Variants in RGS22 observed in about 807,000 individuals in gnomAD.
The protein encoded by RGS22 is regulator of G protein signaling 22.
RGS22 carries 148 observed loss-of-function variants against 172.9 expected under a neutral mutation model. That is an observed-to-expected ratio of 0.86 (90% CI 0.75 to 0.98). The LOEUF is 0.98. Ranked by LOEUF, RGS22 falls within the 50% of genes least tolerant of loss-of-function variation. The pLI is 0.00. For synonymous variants in RGS22, 458 were observed against 480.2 expected, an observed-to-expected ratio of 0.95 and a Z score of 0.60; for missense variants, 1,347 against 1,440.8, an observed-to-expected ratio of 0.93 and a Z score of 1.05.
chr8:99,980,674 T>C (rs943956924), intron 22 of RGS22, among the ~76,000 whole-genome samples: 1 of 152,200 alleles, frequency 6.6e-6, no homozygotes, highest in African/African-American at 2.4e-5. Flanking sequence ...GACTCCCTTT[T>C]AGAAAATCAG....
chr8:99,968,859 A>C lies in RGS22; in HGVS notation c.3520-3429T>G, dbSNP rs945131656. 3.9e-5 allele frequency among the ~76,000 whole-genome samples: 6 copies of C among 152,176 alleles called. No individual in the cohort carries two copies. In the East Asian group the frequency reaches 1.2e-3, roughly 29 times the overall value. ...AACCTAGCAAGATAGGCCAACATTC[A>C]AGTTCAGGAAATACAGAGAATGCCA... On this transcript the variant is annotated intron_variant, in intron 23 of 27. Coordinates refer to ENST00000360863, the MANE Select transcript of RGS22 (RefSeq NM_015668.5).
chr8:99,973,089 T>C (rs1475233190), intron 23 of RGS22, among the ~76,000 whole-genome samples: 1 of 152,058 alleles, frequency 6.6e-6, no homozygotes, highest in Non-Finnish European at 1.5e-5. Context: ...GTTCAACCAT[T>C]GTGGAAGACA....
chr8:100,065,200 G>T (rs1810453568), intron 7 of RGS22, among the ~76,000 whole-genome samples: 1 of 152,072 alleles, frequency 6.6e-6, no homozygotes, highest in Non-Finnish European at 1.5e-5. Flanking sequence ...CCCCAATATT[G>T]AGAGATTAGA....
chr8:100,050,567 T>C (rs1455977592), intron 10 of RGS22, among the ~76,000 whole-genome samples: 1 of 152,186 alleles, frequency 6.6e-6, no homozygotes, highest in Non-Finnish European at 1.5e-5. Context: ...TTCCAAGAGG[T>C]TGTATGTGAC....
At chr8:100,099,202 T>C (rs963350642) in intron 2 of RGS22, among the ~76,000 whole-genome samples, 4 of 152,044 alleles carry the variant, frequency 2.6e-5, no homozygotes, top group Admixed American at 2.6e-4. Context: ...GTGTGAGCCA[T>C]TGCGCCTGGC....
At chr8:100,081,173 T>G (rs1012027437) in intron 3 of RGS22, among the ~76,000 whole-genome samples, 1 of 152,148 alleles carries the variant, frequency 6.6e-6, no homozygotes, top group Admixed American at 6.6e-5. Flanking sequence ...GTAGATTAAC[T>G]TATACATGCT....
rs1418442322 is a variant in RGS22, at chr8:99,987,332, T to C, written c.3180+126A>G. The C allele has an allele frequency of 8.4e-6, 5 of 596,108 alleles. No individual in the cohort carries two copies. In the East Asian group the frequency reaches 1.2e-4, roughly 14 times the overall value. 36.9% of individuals were successfully genotyped at this position (596,108 alleles called of 1,614,324 possible). A position where few individuals can be genotyped will look rare whatever the true frequency, so the allele number is the denominator to read the frequency against. On this transcript the variant is annotated intron_variant, in intron 21 of 27. Coordinates refer to ENST00000360863, the MANE Select transcript of RGS22 (RefSeq NM_015668.5). ...AAACATCTCAATATTTATATACTGG[T>C]AGGAAGAAGATAGCAAAATTGGGAT...
At chr8:100,042,378 C>A (rs1033634912) in intron 11 of RGS22, among the ~76,000 whole-genome samples, 1 of 152,010 alleles carries the variant, frequency 6.6e-6, no homozygotes, top group African/African-American at 2.4e-5. Context: ...AGGCAGCAAA[C>A]ATAATTTGCT....
chr8:100,055,635 T>C (rs1182135649), intron 9 of RGS22, among the ~76,000 whole-genome samples: 3 of 152,206 alleles, frequency 2.0e-5, no homozygotes, highest in South Asian at 2.1e-4. Flanking sequence ...AGGGATCCGA[T>C]GGGAGGTAAC....
At chr8:100,014,575 C>A (rs997851974) in intron 14 of RGS22, among the ~76,000 whole-genome samples, 1 of 152,180 alleles carries the variant, frequency 6.6e-6, no homozygotes, top group Non-Finnish European at 1.5e-5. Flanking sequence ...ATTATCTCCT[C>A]TCTCCTTGAC....
intron 7 of RGS22, among the ~76,000 whole-genome samples, chr8:100,064,403 C>T (rs1436212736): frequency 6.6e-6 from 1 of 151,828 alleles, no homozygotes; most frequent in Non-Finnish European, 1.5e-5. Flanking sequence ...ATAGAGGTTG[C>T]AGTGAGCTGG....
chr8:99,991,786 C>T (rs545614851), intron 20 of RGS22, among the ~76,000 whole-genome samples: 4 of 152,210 alleles, frequency 2.6e-5, no homozygotes, highest in South Asian at 2.1e-4. Context: ...AGATACTCCT[C>T]GAGAAGAGCA....
At chr8:99,992,607 A>G (rs539577802) in intron 20 of RGS22, among the ~76,000 whole-genome samples, 1 of 152,318 alleles carries the variant, frequency 6.6e-6, no homozygotes, top group South Asian at 2.1e-4. Context: ...GAGCACCCAG[A>G]TTCATAAAGC....
At chr8:100,099,613 A>C (rs1813302148) in intron 2 of RGS22, among the ~76,000 whole-genome samples, 1 of 152,222 alleles carries the variant, frequency 6.6e-6, no homozygotes, top group South Asian at 2.1e-4. Flanking sequence ...AAAGTTGCTT[A>C]ATGATATACT....
intron 14 of RGS22, among the ~76,000 whole-genome samples, chr8:100,034,431 G>A (rs1819210899): frequency 1.3e-5 from 2 of 152,080 alleles, no homozygotes; most frequent in Admixed American, 6.5e-5. Context: ...CCTCTTCAAG[G>A]AGAACTATAA....
chr8:100,020,978 T>C (rs1328068370), intron 14 of RGS22, among the ~76,000 whole-genome samples: 1 of 152,148 alleles, frequency 6.6e-6, no homozygotes, highest in African/African-American at 2.4e-5. Context: ...ATGGTGAGAG[T>C]ATACCCAGAG....
chr8:100,037,327 G>C (rs1819613248), intron 14 of RGS22, among the ~76,000 whole-genome samples: 1 of 152,010 alleles, frequency 6.6e-6, no homozygotes, highest in Non-Finnish European at 1.5e-5. Flanking sequence ...GTAAGACAAA[G>C]TAAAATAACT....
At chr8:100,030,343 C>G (rs766618788) in intron 14 of RGS22, among the ~76,000 whole-genome samples, 56 of 152,166 alleles carry the variant, frequency 3.7e-4, no homozygotes, top group Admixed American at 7.2e-4. Flanking sequence ...GTATTTGCTA[C>G]ACTATATTTT....
intron 3 of RGS22, among the ~76,000 whole-genome samples, chr8:100,082,880 A>G (rs1303225669): frequency 6.6e-6 from 1 of 152,250 alleles, no homozygotes; most frequent in Non-Finnish European, 1.5e-5. Context: ...GCACAGAGGC[A>G]TGAAGCAACA....
Sources: allele counts gnomAD v4.1 joint callset (sites outside exome capture counted in the v4.1 genomes callset), GRCh38; gene constraint gnomAD v4.1.1; transcripts MANE v1.5; gene names NCBI Gene and HGNC (gene_info 2026-07-23, HGNC 2026-07-21).